The following WWTR1 variants were observed in gnomAD, a reference collection of about 807,000 sequenced individuals.
WWTR1 encodes WW domain containing transcription regulator 1, also known as WW domain-containing transcription regulator protein 1.
In WWTR1, 13 loss-of-function variants were observed where a neutral mutation model predicts 40.1. That is an observed-to-expected ratio of 0.32 (90% CI 0.21 to 0.52). The LOEUF (loss-of-function observed/expected upper bound fraction) is 0.52. Ranked by LOEUF, WWTR1 falls within the 20% of genes least tolerant of loss-of-function variation. The pLI is 0.97. For synonymous variants in WWTR1, 230 were observed against 210.1 expected (o/e 1.09, Z -0.82); for missense variants, 436 against 523.1 (o/e 0.83, Z 1.63).
At chr3:149,600,655 T>C (rs779034965) in intron 2 of WWTR1, among the ~76,000 whole-genome samples, 1 of 152,222 alleles carries the variant, frequency 6.6e-6, no homozygotes, top group Non-Finnish European at 1.5e-5. Context: ...GGGTACCCAT[T>C]TGATACATTA....
intron 5 of WWTR1, among the ~76,000 whole-genome samples, chr3:149,709,682 A>G (rs944918132): frequency 6.6e-6 from 1 of 152,136 alleles, no homozygotes; most frequent in Non-Finnish European, 1.5e-5. Flanking sequence ...AGGTGGGTGG[A>G]TCACCTAAAG....
chr3:149,572,569 G>A (rs1737688062), intron 3 of WWTR1, among the ~76,000 whole-genome samples: 1 of 152,124 alleles, frequency 6.6e-6, no homozygotes, highest in African/African-American at 2.4e-5. Flanking sequence ...ACACGGTATT[G>A]CAGCCAAGAA....
intron 2 of WWTR1, among the ~76,000 whole-genome samples, chr3:149,663,776 G>T (rs183659664): frequency 6.6e-6 from 1 of 152,242 alleles, no homozygotes; most frequent in East Asian, 1.9e-4. Context: ...AGATGATTTT[G>T]CCCATTCCTC....
chr3:149,688,777 G>T (rs1180826021), intron 1 of WWTR1, among the ~76,000 whole-genome samples: 1 of 151,980 alleles, frequency 6.6e-6, no homozygotes, highest in African/African-American at 2.4e-5. Flanking sequence ...AGAAAAACAG[G>T]ACCTCACCAA....
chr3:149,621,302 ATC>A (rs1740253181), intron 2 of WWTR1, among the ~76,000 whole-genome samples: 1 of 152,226 alleles, frequency 6.6e-6, no homozygotes, highest in Non-Finnish European at 1.5e-5. Flanking sequence ...AGTAATTCTA[ATC>A]ACAGAAGTCT....
intron 3 of WWTR1, among the ~76,000 whole-genome samples, chr3:149,562,237 G>A (rs530002896): frequency 6.6e-6 from 1 of 151,796 alleles, no homozygotes; most frequent in African/African-American, 2.4e-5. Flanking sequence ...AGAGGTTGCA[G>A]TGAGCCGAGG....
At chr3:149,536,945 T>C (rs1055276644) in intron 4 of WWTR1, among the ~76,000 whole-genome samples, 8 of 152,104 alleles carry the variant, frequency 5.3e-5, no homozygotes, top group Non-Finnish European at 8.8e-5. Flanking sequence ...CCCAAACCGT[T>C]ATATTTAAAT....
intron 2 of WWTR1, among the ~76,000 whole-genome samples, chr3:149,584,084 C>T (rs913521822): frequency 3.9e-5 from 6 of 152,186 alleles, no homozygotes; most frequent in African/African-American, 9.6e-5. Flanking sequence ...GTGCCTAACA[C>T]GTTTTTAACA....
chr3:149,683,879 T>C (rs1423968786), intron 1 of WWTR1, among the ~76,000 whole-genome samples: 2 of 152,010 alleles, frequency 1.3e-5, no homozygotes, highest in African/African-American at 4.8e-5. Context: ...CCTGTTACTG[T>C]AGTTTGAGTG....
intron 3 of WWTR1, among the ~76,000 whole-genome samples, chr3:149,564,437 TCTC>T (rs767078763): frequency 1.2e-4 from 18 of 151,908 alleles, no homozygotes; most frequent in Non-Finnish European, 2.5e-4. Context: ...AACACACTGT[TCTC>T]CTCTTCCACC....
intron 2 of WWTR1, among the ~76,000 whole-genome samples, chr3:149,630,137 C>T (rs1711510055): frequency 6.6e-6 from 1 of 152,150 alleles, no homozygotes; most frequent in Admixed American, 6.6e-5. Context: ...TGAGCCACCA[C>T]ACCGGGCTAA....
intron 1 of WWTR1, chr3:149,670,660 A>AAAAAAAAAG (rs1396163127): frequency 6.7e-6 from 1 of 148,166 alleles, no homozygotes; most frequent in Non-Finnish European, 1.5e-5. Flanking sequence ...AAAAAAAAAG[A>AAAAAAAAAG]AAAGAAAAGA....
At chr3:149,656,754 ATCTCTCTCTTTCTCTCTCTCTC>A in intron 2 of WWTR1, 100 bp downstream of exon 2, 1 of 767,878 alleles carries the variant, frequency 1.3e-6, no homozygotes, top group Non-Finnish European at 1.8e-6. Context: ...GACACGCACC[ATCTCTCTCTTTCTCTCTCTCTC>A]TCTCTCTCTC....
intron 2 of WWTR1, among the ~76,000 whole-genome samples, chr3:149,645,693 G>A (rs1403037874): frequency 1.3e-5 from 2 of 152,192 alleles, no homozygotes; most frequent in Non-Finnish European, 2.9e-5. Context: ...AGGTGCCCAG[G>A]TGCCCCTTTG....
At chr3:149,673,263 A>T (rs1226253241) in intron 1 of WWTR1, among the ~76,000 whole-genome samples, 1 of 152,146 alleles carries the variant, frequency 6.6e-6, no homozygotes, top group African/African-American at 2.4e-5. Flanking sequence ...AAATAAGTTG[A>T]GAATTGACTA....
intron 2 of WWTR1, among the ~76,000 whole-genome samples, chr3:149,593,821 A>G (rs1330939790): frequency 6.6e-6 from 1 of 152,244 alleles, no homozygotes; most frequent in Non-Finnish European, 1.5e-5. Flanking sequence ...ATCATTTAAA[A>G]TGTCTTTGAA....
rs560562057 is a variant in WWTR1 at position 149,566,218 on chromosome 3, CT to C, written c.568+6645del. 8.6e-5 allele frequency among the ~76,000 whole-genome samples: 13 copies of C among 152,040 alleles called. No individual in the cohort carries two copies. In the South Asian group the frequency reaches 2.1e-3, roughly 24 times the overall value. On this transcript the variant is annotated intron_variant, in intron 3 of 6. Coordinates refer to ENST00000360632, the MANE Select transcript of WWTR1 (RefSeq NM_015472.6). ...TACAGTGTTTAGAAAACTTTTCCTTCTTTTTTTTAATCAAGAAAATCATTTT... is the reference window on the plus strand; with the variant it reads ...TACAGTGTTTAGAAAACTTTTCCTTCTTTTTTTAATCAAGAAAATCATTTT...
chr3:149,650,054 G>A (rs1282825535), intron 2 of WWTR1: 2 of 152,002 alleles, frequency 1.3e-5, no homozygotes, highest in East Asian at 3.9e-4. Context: ...GAGTCACCTT[G>A]GTGGAAATCT....
chr3:149,592,181 C>T (rs1738759574), intron 2 of WWTR1, among the ~76,000 whole-genome samples: 1 of 152,144 alleles, frequency 6.6e-6, no homozygotes, highest in African/African-American at 2.4e-5. Flanking sequence ...TATTCCTCTC[C>T]TAATATTTAT....
Sources: gnomAD v4.1 joint callset for allele counts (sites outside exome capture counted in the v4.1 genomes callset) on GRCh38, gnomAD v4.1.1 for gene constraint, MANE v1.5 for transcripts, NCBI Gene and HGNC (gene_info 2026-07-23, HGNC 2026-07-21) for gene names.